The following DLGAP1 variants were observed in gnomAD, a reference collection of about 807,000 sequenced individuals.
The protein encoded by DLGAP1 is DLG associated protein 1.
In DLGAP1, 11 loss-of-function variants were observed where a neutral mutation model predicts 90.8. That is an observed-to-expected ratio of 0.12 (90% CI 0.08 to 0.20). The LOEUF is 0.20. Ranked by LOEUF, DLGAP1 falls within the 10% of genes least tolerant of loss-of-function variation. The pLI is 1.00. For synonymous variants in DLGAP1, 558 were observed against 540.7 expected, an observed-to-expected ratio of 1.03 and a Z score of -0.44; for missense variants, 1,050 against 1,333.8, an observed-to-expected ratio of 0.79 and a Z score of 3.31.
At chr18:3,772,374 T>TCCC (rs2064691917) in intron 5 of DLGAP1, among the ~76,000 whole-genome samples, 1 of 15,660 alleles carries the variant, frequency 6.4e-5, no homozygotes, top group Non-Finnish European at 2.7e-4. Context: ...CTTTCTTTCT[T>TCCC]TCTTTCTTTC....
Position 4,020,080 on chromosome 18 carries a change from G to T in DLGAP1, c.-158-14879C>A, listed in dbSNP as rs558526251. On this transcript the variant is annotated intron_variant, in intron 2 of 12. Coordinates refer to ENST00000315677, the MANE Select transcript of DLGAP1 (RefSeq NM_004746.4). ...AAGGAATGTCTGGGTTATGGTAGGG[G>T]TTGTGGAGACCTAGGTTTTATCGTG... 2.6e-4 allele frequency among the ~76,000 whole-genome samples: 39 copies of T among 152,320 alleles called. 1 individual carries two copies. Among genetic ancestry groups the T allele is most frequent in the African/African-American group, 8.4e-4 (35 of 41,558 alleles).
At chr18:3,796,965 C>A (rs1315966652) in intron 5 of DLGAP1, among the ~76,000 whole-genome samples, 2 of 152,074 alleles carry the variant, frequency 1.3e-5, no homozygotes, top group Non-Finnish European at 2.9e-5. Flanking sequence ...GGAGATGGGG[C>A]CTTTGGGAGG....
chr18:3,755,651 T>C (rs2063690341), intron 5 of DLGAP1, among the ~76,000 whole-genome samples: 1 of 152,118 alleles, frequency 6.6e-6, no homozygotes, highest in Admixed American at 6.6e-5. Flanking sequence ...CACCTAACAA[T>C]AGAGTCCCAA....
At position 4,336,180 on chromosome 18, in the gene DLGAP1, G is replaced by T. The variant is rs538627861; in HGVS notation, c.-267+118826C>A. ...GGTACTTTTGCTGCCCATTGGCACAGAAAAAGATACGTATGCACCATACAA... is the reference window on the plus strand; with the variant it reads ...GGTACTTTTGCTGCCCATTGGCACATAAAAAGATACGTATGCACCATACAA... On this transcript the variant is annotated intron_variant, in intron 1 of 12. Coordinates refer to ENST00000315677, the MANE Select transcript of DLGAP1 (RefSeq NM_004746.4). 3.3e-5 allele frequency among the ~76,000 whole-genome samples: 5 copies of T among 152,282 alleles called. No homozygotes were observed. The East Asian group carries it at 9.6e-4, about 29-fold the overall frequency.
In DLGAP1 at chr18:3,656,822, C is replaced by T. The variant is rs529499176; in HGVS notation, c.1591+72313G>A. On this transcript the variant is annotated intron_variant, in intron 7 of 12. Coordinates refer to ENST00000315677, the MANE Select transcript of DLGAP1 (RefSeq NM_004746.4). ...ATCTCGGATCTTGGATCTCGGCTCA[C>T]TGCAACCTCTGCCTCCTGGGTGGAC... Among the ~76,000 whole-genome samples, 18 of 152,172 alleles carry T rather than the reference C, an allele frequency of 1.2e-4. No individual in the cohort carries two copies. The East Asian group carries it at 3.3e-3, about 28-fold the overall frequency.
intron 1 of DLGAP1, among the ~76,000 whole-genome samples, chr18:4,183,326 C>T (rs977282605): frequency 6.6e-6 from 1 of 151,906 alleles, no homozygotes; most frequent in Non-Finnish European, 1.5e-5. Flanking sequence ...ATGTGAGAGG[C>T]TAACTGAAGA....
intron 3 of DLGAP1, among the ~76,000 whole-genome samples, chr18:3,880,944 G>GAAAAAAAAAAAAA (rs1173817359): frequency 2.3e-4 from 9 of 38,348 alleles, no homozygotes; most frequent in Admixed American, 2.9e-4. Context: ...CTCCATCTCA[G>GAAAAAAAAAAAAA]AAAAAAAAAA....
chr18:4,267,941 G>A (rs2079167427), intron 1 of DLGAP1, among the ~76,000 whole-genome samples: 1 of 152,230 alleles, frequency 6.6e-6, no homozygotes, highest in Admixed American at 6.5e-5. Context: ...AATCTTGGAA[G>A]GGACATACTA....
At chr18:3,964,762 C>G (rs560727631) in intron 3 of DLGAP1, among the ~76,000 whole-genome samples, 1 of 152,070 alleles carries the variant, frequency 6.6e-6, no homozygotes, top group Non-Finnish European at 1.5e-5. Context: ...CTTTAACCAG[C>G]GAAGCATGTT....
At chr18:3,813,953 C>T (rs2066965586) in intron 5 of DLGAP1, 106 bp downstream of exon 5, 2 of 1,096,432 alleles carry the variant, frequency 1.8e-6, no homozygotes, top group African/African-American at 1.5e-5. Context: ...CACTGCTCCA[C>T]CTGTAGGATG....
At chr18:4,161,241 T>C (rs918761021) in intron 1 of DLGAP1, among the ~76,000 whole-genome samples, 3 of 152,078 alleles carry the variant, frequency 2.0e-5, no homozygotes, top group African/African-American at 7.2e-5. Context: ...TCCCGCCACC[T>C]TTCCCCAGGA....
intron 10 of DLGAP1, among the ~76,000 whole-genome samples, chr18:3,515,486 A>AAAAT (rs2050784780): frequency 7.2e-6 from 1 of 139,154 alleles, no homozygotes; most frequent in Admixed American, 7.3e-5. Context: ...AAAAAAAAAA[A>AAAAT]TTGGAGTCAA....
At chr18:4,099,266 G>A (rs2075733651) in intron 2 of DLGAP1, among the ~76,000 whole-genome samples, 1 of 146,672 alleles carries the variant, frequency 6.8e-6, no homozygotes, top group Non-Finnish European at 1.5e-5. Context: ...CTGTCTGTCT[G>A]TCTGTCTATC....
intron 10 of DLGAP1, among the ~76,000 whole-genome samples, chr18:3,527,002 CGACG>C (rs1235279867): frequency 6.6e-6 from 1 of 151,936 alleles, no homozygotes; most frequent in Non-Finnish European, 1.5e-5. Flanking sequence ...AAGGTACTGT[CGACG>C]GTTGGGGTTG....
intron 1 of DLGAP1, among the ~76,000 whole-genome samples, chr18:4,273,734 CTTAAG>C (rs1345026946): frequency 5.9e-5 from 9 of 152,212 alleles, no homozygotes; most frequent in East Asian, 3.8e-4. Context: ...TGTGCCCCTC[CTTAAG>C]TTAATTTTTA....
intron 3 of DLGAP1, among the ~76,000 whole-genome samples, chr18:3,882,706 T>C (rs1238208): frequency 0.43 from 64,576 of 151,638 alleles, 13,996 homozygotes; most frequent in South Asian, 0.57. Context: ...TCTTCCGGAG[T>C]TTTAGTAACT....
intron 3 of DLGAP1, among the ~76,000 whole-genome samples, chr18:3,981,423 C>A (rs2073726537): frequency 6.6e-6 from 1 of 152,232 alleles, no homozygotes. Context: ...GCGGAGACCA[C>A]AGCTCCTGCT....
chr18:4,288,463 C>T (rs1202931712), intron 1 of DLGAP1, among the ~76,000 whole-genome samples: 1 of 152,148 alleles, frequency 6.6e-6, no homozygotes, highest in Non-Finnish European at 1.5e-5. Context: ...CTTCAAAGAA[C>T]TCAAAAGCTC....
intron 5 of DLGAP1, among the ~76,000 whole-genome samples, chr18:3,749,402 CTT>C (rs2063409784): frequency 6.6e-6 from 1 of 152,094 alleles, no homozygotes; most frequent in Admixed American, 6.6e-5. Context: ...ATCTGCCTGC[CTT>C]GGCCTCCCAA....
Sources: gnomAD v4.1 joint callset for allele counts (sites outside exome capture counted in the v4.1 genomes callset) on GRCh38, gnomAD v4.1.1 for gene constraint, MANE v1.5 for transcripts, NCBI Gene and HGNC (gene_info 2026-07-23, HGNC 2026-07-21) for gene names.